Variants in CHN2 observed in about 807,000 individuals in gnomAD.
CHN2 encodes the protein chimerin 2, also known as beta-chimaerin.
Under a neutral mutation model 56.3 loss-of-function variants are expected in CHN2, and 35 were observed. That is an observed-to-expected ratio of 0.62 (90% CI 0.47 to 0.82). The LOEUF (loss-of-function observed/expected upper bound fraction) is 0.82, where lower values mean the gene tolerates loss of function less well. Among genes scored for constraint, CHN2 ranks in the 40% least tolerant of loss-of-function variants. The pLI is 0.00. For missense variants in CHN2, 491 were observed against 580.5 expected (o/e 0.85, Z 1.58); for synonymous variants, 210 against 212.8 (o/e 0.99, Z 0.12).
intron 6 of CHN2, among the ~76,000 whole-genome samples, chr7:29,428,724 G>A (rs1401142694): frequency 6.6e-6 from 1 of 152,100 alleles, no homozygotes; most frequent in Non-Finnish European, 1.5e-5. Flanking sequence ...TAATTTTTAT[G>A]TAAAAACTAC....
At position 29,507,253 on chromosome 7, in the gene CHN2, CA is replaced by C. The variant is rs1790679600; in HGVS notation, c.1019del (p.Asn340MetfsTer6). ...ATGGTGAAAAGGCCGATATATCTGC[CA>C]ATGTCTATCCAGACATAAACATCAT... ...RDGEKADISA[N>X]VYPDINIITG... On this transcript the variant is annotated frameshift_variant, in exon 11 of 13. Coordinates refer to ENST00000222792, the MANE Select transcript of CHN2 (RefSeq NM_004067.4). LOFTEE classifies it high-confidence loss of function. 1.2e-6 allele frequency: 2 copies of C among 1,610,062 alleles called. No individual in the cohort carries two copies. The highest frequency in any genetic ancestry group is 2.7e-5 in the African/African-American group (2 of 74,612).
intron 1 of CHN2, among the ~76,000 whole-genome samples, chr7:29,294,108 T>C (rs1328196072): frequency 2.0e-5 from 3 of 152,058 alleles, no homozygotes; most frequent in Admixed American, 6.5e-5. Flanking sequence ...CCTCGTGATC[T>C]GCCCGCCTCG....
intron 3 of CHN2, among the ~76,000 whole-genome samples, chr7:29,373,197 T>A (rs1585190382): frequency 6.6e-6 from 1 of 151,308 alleles, no homozygotes; most frequent in African/African-American, 2.4e-5. Context: ...TTTTCTGAGG[T>A]GGAGTCTTGC....
At chr7:29,292,717 C>A in intron 1 of CHN2, 1 of 330,104 alleles carries the variant, frequency 3.0e-6, no homozygotes. Flanking sequence ...AATAACATCT[C>A]TTGGTTTTGT....
chr7:29,193,689 C>G (rs1353155524), upstream of CHN2: 2 of 152,194 alleles, frequency 1.3e-5, no homozygotes, highest in Non-Finnish European at 2.9e-5. Flanking sequence ...AGGGACACAC[C>G]TTGTGCTCGA....
chr7:29,275,139 G>A (rs541969303), intron 1 of CHN2, among the ~76,000 whole-genome samples: 3 of 152,260 alleles, frequency 2.0e-5, no homozygotes, highest in African/African-American at 7.2e-5. Context: ...TGTAAAATGG[G>A]TATAGCAATA....
intron 6 of CHN2, among the ~76,000 whole-genome samples, chr7:29,467,209 T>G (rs977518082): frequency 2.0e-5 from 3 of 152,234 alleles, no homozygotes; most frequent in African/African-American, 7.2e-5. Flanking sequence ...GGATAGATTC[T>G]TAGAAATTGA....
intron 1 of CHN2, among the ~76,000 whole-genome samples, chr7:29,230,861 A>G (rs1029340577): frequency 6.6e-6 from 1 of 151,942 alleles, no homozygotes; most frequent in Non-Finnish European, 1.5e-5. Context: ...TTCTTTATTT[A>G]CTCAGGTCTA....
chr7:29,206,424 G>A (rs1784522812), intron 1 of CHN2, among the ~76,000 whole-genome samples: 1 of 152,050 alleles, frequency 6.6e-6, no homozygotes, highest in African/African-American at 2.4e-5. Context: ...TGGGATTACA[G>A]GTGCGTGCCA....
intron 1 of CHN2, among the ~76,000 whole-genome samples, chr7:29,295,033 A>G (rs1793007490): frequency 6.6e-6 from 1 of 152,200 alleles, no homozygotes; most frequent in Non-Finnish European, 1.5e-5. Context: ...CAAGTCTCTT[A>G]TATAAAATAG....
chr7:29,459,651 A>G lies in CHN2; in HGVS notation c.577-20628A>G, dbSNP rs1562624294. ...CTGACCCAGCCTCACAGAGCAGCCC[A>G]TAGCAGCAGGTGGGGGCCTCTGTTA... is the stretch of plus-strand genomic sequence containing the variant. On this transcript the variant is annotated intron_variant, in intron 6 of 12. Coordinates refer to ENST00000222792, the MANE Select transcript of CHN2 (RefSeq NM_004067.4). 2.0e-5 allele frequency among the ~76,000 whole-genome samples: 3 copies of G among 152,200 alleles called. No individual in the cohort carries two copies. In the South Asian group the frequency reaches 6.2e-4, roughly 31 times the overall value.
chr7:29,253,644 A>G (rs759217795), intron 1 of CHN2, among the ~76,000 whole-genome samples: 14 of 152,188 alleles, frequency 9.2e-5, no homozygotes, highest in Non-Finnish European at 2.1e-4. Flanking sequence ...AGATGAACTT[A>G]ATAGATTTCC....
chr7:29,284,970 T>C (rs1792029503), intron 1 of CHN2, among the ~76,000 whole-genome samples: 1 of 152,240 alleles, frequency 6.6e-6, no homozygotes, highest in South Asian at 2.1e-4. Context: ...TGGGGAACTT[T>C]GATCTAGCCC....
intron 6 of CHN2, among the ~76,000 whole-genome samples, chr7:29,421,350 G>T (rs531529467): frequency 6.6e-6 from 1 of 152,244 alleles, no homozygotes; most frequent in East Asian, 1.9e-4. Context: ...CTGCCTTTGG[G>T]CTACTTTAGT....
intron 1 of CHN2, among the ~76,000 whole-genome samples, chr7:29,305,026 A>G (rs1193904816): frequency 6.6e-6 from 1 of 152,184 alleles, no homozygotes; most frequent in Non-Finnish European, 1.5e-5. Context: ...CATGGGTTCA[A>G]CTTAGATCCT....
chr7:29,268,647 A>G (rs78355879), intron 1 of CHN2, among the ~76,000 whole-genome samples: 1 of 152,314 alleles, frequency 6.6e-6, no homozygotes, highest in East Asian at 1.9e-4. Flanking sequence ...CCAGCTTGTA[A>G]TGATCTGTGC....
At chr7:29,190,228 T>C (rs377496969), upstream of CHN2, among the ~76,000 whole-genome samples, 5 of 152,330 alleles carry the variant, frequency 3.3e-5, no homozygotes, top group East Asian at 1.9e-4. Context: ...TGTTGAGAAA[T>C]TGATGGCAAA....
chr7:29,241,600 G>T (rs925218156), intron 1 of CHN2, among the ~76,000 whole-genome samples: 2 of 152,090 alleles, frequency 1.3e-5, no homozygotes, highest in Non-Finnish European at 2.9e-5. Context: ...TCTAGAACAT[G>T]GGGGCAGTTC....
rs149277399 is a variant in CHN2 at position 29,278,082 on chromosome 7, C to T, written c.50-76543C>T. 2.4e-3 allele frequency among the ~76,000 whole-genome samples: 363 copies of T among 152,284 alleles called. 3 individuals are homozygous for T. Among genetic ancestry groups the T allele is most frequent in the African/African-American group, 7.8e-3 (324 of 41,546 alleles). ...AAGTGCTGAACCACCTTGTCTGTGA[C>T]GTATTCAGCCCAGGCAGAAACTTAC... On this transcript the variant is annotated intron_variant, in intron 1 of 12. Coordinates refer to ENST00000222792, the MANE Select transcript of CHN2 (RefSeq NM_004067.4).
Sources: gnomAD v4.1 joint callset for allele counts (sites outside exome capture counted in the v4.1 genomes callset) on GRCh38, gnomAD v4.1.1 for gene constraint, MANE v1.5 for transcripts, NCBI Gene and HGNC (gene_info 2026-07-23, HGNC 2026-07-21) for gene names.